Variants in TUT4 observed in about 807,000 individuals in gnomAD.
TUT4 encodes terminal uridylyl transferase 4.
A neutral mutation model predicts 192.2 loss-of-function variants in TUT4; 36 were observed. The observed-to-expected ratio is 0.19, with a 90% CI of 0.14 to 0.25. The LOEUF (loss-of-function observed/expected upper bound fraction) is 0.25. TUT4 is among the 10% of genes least tolerant of loss of function. The pLI is 1.00. For synonymous variants in TUT4, 618 were observed against 666.0 expected (o/e 0.93, Z 1.11); for missense variants, 1,493 against 1,957.2 (o/e 0.76, Z 4.47).
intron 2 of TUT4, 146 bp from the exon 3 acceptor site, chr1:52,516,200 T>C (rs1193697774): frequency 3.0e-6 from 2 of 665,490 alleles, no homozygotes; most frequent in South Asian, 4.4e-5. Context: ...GGTATGCATA[T>C]ATAAAATATA....
chr1:52,530,442 G>C (rs1683070912), intron 1 of TUT4, among the ~76,000 whole-genome samples: 2 of 151,914 alleles, frequency 1.3e-5, no homozygotes, highest in South Asian at 4.1e-4. Flanking sequence ...ATAGAGAATG[G>C]GGTATCCATC....
intron 24 of TUT4, 143 bp downstream of exon 24, chr1:52,445,644 A>G: frequency 1.6e-6 from 1 of 641,376 alleles, no homozygotes; most frequent in Non-Finnish European, 2.7e-6. Context: ...CTCACTATGG[A>G]CTATGATAAA....
chr1:52,525,887 G>A lies in TUT4; in HGVS notation c.394C>T (p.Pro132Ser). Reference sequence around the variant, plus strand: ...GCTTTCACTGAATTAGGTGACTTTGGTGATTTTTCTGCTTTTGCCTGTAAA... The same window carrying A: ...GCTTTCACTGAATTAGGTGACTTTGATGATTTTTCTGCTTTTGCCTGTAAA... ...TSLQAKAEKS[P>S]KSPNSVKAEK... Residue 132 changes from proline (P) to serine (S), a missense_variant, in exon 2 of 30, where the codon CCA becomes TCA. Pro to Ser is a moderately conservative substitution (Grantham distance 74, BLOSUM62 -1). Around this residue, in one of 7 missense-constraint regions of TUT4, gnomAD observed 260 missense variants for 247.8 expected, o/e 1.05. Coordinates refer to ENST00000257177, the MANE Select transcript of TUT4 (RefSeq NM_001009881.3). 1 of 1,614,038 alleles carries A rather than the reference G, an allele frequency of 6.2e-7. No homozygotes were observed. The highest frequency in any genetic ancestry group is 8.5e-7 in the Non-Finnish European group (1 of 1,180,006).
intron 7 of TUT4, among the ~76,000 whole-genome samples, chr1:52,492,650 A>G (rs903638234): frequency 6.6e-6 from 1 of 152,240 alleles, no homozygotes; most frequent in Non-Finnish European, 1.5e-5. Flanking sequence ...CCAGCTCCCA[A>G]GCTTAATCTT....
At chr1:52,506,660 T>C (rs531489045) in intron 4 of TUT4, among the ~76,000 whole-genome samples, 5 of 152,316 alleles carry the variant, frequency 3.3e-5, no homozygotes, top group African/African-American at 1.2e-4. Flanking sequence ...CCTGTTCATA[T>C]CTTTTTTATA....
intron 28 of TUT4, among the ~76,000 whole-genome samples, chr1:52,427,389 G>A (rs1048709429): frequency 1.3e-5 from 2 of 152,138 alleles, no homozygotes; most frequent in South Asian, 4.1e-4. Context: ...GTAAGAGATA[G>A]TACAGTATGT....
chr1:52,474,060 T>C (rs1015622517), intron 13 of TUT4, among the ~76,000 whole-genome samples: 1 of 151,998 alleles, frequency 6.6e-6, no homozygotes, highest in Admixed American at 6.6e-5. Context: ...ATACAAAAAT[T>C]AGCCAGACAT....
At position 52,451,215 on chromosome 1, in the gene TUT4, G is replaced by A. The variant is rs150632291; in HGVS notation, c.3436-4548C>T. Among the ~76,000 whole-genome samples the A allele has an allele frequency of 5.1e-3, 760 of 150,284 alleles. 8 individuals carry two copies. The highest frequency in any genetic ancestry group is 0.017 in the African/African-American group (701 of 40,258). Reference sequence around the variant, plus strand: ...TGGGATGTGGAGCTTGCAGTGAGCCGAGATTGCGCCACTGCACTCCAGCCT... The same window carrying A: ...TGGGATGTGGAGCTTGCAGTGAGCCAAGATTGCGCCACTGCACTCCAGCCT... On this transcript the variant is annotated intron_variant, in intron 20 of 29. Transcript: ENST00000257177.
chr1:52,486,333 A>G (rs1182937006), intron 9 of TUT4, among the ~76,000 whole-genome samples: 1 of 152,216 alleles, frequency 6.6e-6, no homozygotes, highest in Admixed American at 6.5e-5. Flanking sequence ...ATAAGGCTAA[A>G]GAGTTCTGCC....
At chr1:52,435,343 C>G in intron 27 of TUT4, 22 bp downstream of exon 27, 1 of 1,586,268 alleles carries the variant, frequency 6.3e-7, no homozygotes, top group Non-Finnish European at 8.6e-7. Context: ...AAGACTAACA[C>G]ATTCACAGGC....
At chr1:52,424,535 A>C (rs1384549497) in intron 29 of TUT4, 1 of 153,112 alleles carries the variant, frequency 6.5e-6, no homozygotes, top group Non-Finnish European at 1.5e-5. Flanking sequence ...CTCTGACCCA[A>C]GTGTTCTGAA....
intron 2 of TUT4, among the ~76,000 whole-genome samples, chr1:52,516,718 A>T (rs1195570629): frequency 6.6e-6 from 1 of 152,234 alleles, no homozygotes; most frequent in African/African-American, 2.4e-5. Flanking sequence ...CTCTTGCTTA[A>T]AACACATAAA....
At chr1:52,428,022 C>G (rs1650548535) in intron 28 of TUT4, among the ~76,000 whole-genome samples, 1 of 152,050 alleles carries the variant, frequency 6.6e-6, no homozygotes, top group African/African-American at 2.4e-5. Flanking sequence ...GCCACAAAGA[C>G]ATAATCAGCC....
intron 1 of TUT4, among the ~76,000 whole-genome samples, chr1:52,542,218 C>T (rs185360683): frequency 8.5e-5 from 13 of 152,220 alleles, no homozygotes; most frequent in African/African-American, 2.6e-4. Flanking sequence ...TATTGTTTGA[C>T]GGGTACAGAG....
In TUT4 at chr1:52,553,048, C is replaced by G. The variant is rs1689900078; in HGVS notation, c.-211G>C. 6.3e-6 allele frequency: 1 copy of G among 157,898 alleles called. No individual in the cohort carries two copies. The highest frequency in any genetic ancestry group is 1.4e-5 in the Non-Finnish European group (1 of 72,246). The allele number at this position is 157,898 out of a possible 1,614,324, so 9.8% of individuals were successfully genotyped here. A position where few individuals can be genotyped will look rare whatever the true frequency, so the allele number is the denominator to read the frequency against. On this transcript the variant is annotated 5_prime_UTR_variant, in exon 1 of 30. Transcript: ENST00000257177. ...GCTGCCGCCGCTGGAGGCCGGGACA[C>G]GACTAGCTCAGGACTCCACCGCCAT...
At position 52,488,952 on chromosome 1, in the gene TUT4, G is replaced by C. The variant is rs749987938; in HGVS notation, c.1472C>G (p.Pro491Arg). Residue 491 changes from proline (P) to arginine (R), a missense_variant, in exon 9 of 30, where the codon CCT becomes CGT. Physicochemically the swap from Pro to Arg is moderately radical, Grantham distance 103 (BLOSUM62 -2). Coordinates refer to ENST00000257177, the MANE Select transcript of TUT4 (RefSeq NM_001009881.3). ...GGCTAACACCAAGGGAATAAAGACA[G>C]GTTCTATTTTGCCAAGGGCAGTAAG... ...DLLTALGKIEPVFIPLVLAFR... is the reference protein window; with the variant it reads ...DLLTALGKIERVFIPLVLAFR... The C allele has an allele frequency of 1.2e-6, 2 of 1,613,836 alleles. No individual in the cohort carries two copies. Among genetic ancestry groups the C allele is most frequent in the East Asian group, 2.2e-5 (1 of 44,826 alleles).
At chr1:52,463,015 A>G (rs142966251) in intron 16 of TUT4, 6 of 985,206 alleles carry the variant, frequency 6.1e-6, no homozygotes, top group Non-Finnish European at 6.0e-6. Context: ...ACTAATTCAC[A>G]TATGATAAAA....
intron 2 of TUT4, among the ~76,000 whole-genome samples, chr1:52,518,874 C>T (rs1408528397): frequency 2.0e-5 from 3 of 152,128 alleles, no homozygotes; most frequent in Non-Finnish European, 4.4e-5. Flanking sequence ...AAATTAGACA[C>T]TAGTTATGAC....
chr1:52,458,520 C>A, intron 19 of TUT4, 71 bp from the exon 20 acceptor site: 2 of 1,186,292 alleles, frequency 1.7e-6, no homozygotes, highest in African/African-American at 1.5e-5. Flanking sequence ...AAACATTCTG[C>A]CACATCATTT....
Sources: gnomAD v4.1 joint callset for allele counts (sites outside exome capture counted in the v4.1 genomes callset) on GRCh38, gnomAD v4.1.1 for gene constraint, gnomAD v4.1.1 regional missense constraint, MANE v1.5 for transcripts, NCBI Gene and HGNC (gene_info 2026-07-23, HGNC 2026-07-21) for gene names.